The following SERPINB8 variants were observed in gnomAD, a reference collection of about 807,000 sequenced individuals.
SERPINB8 encodes serpin family B member 8, also known as serpin B8.
A neutral mutation model predicts 35.3 loss-of-function variants in SERPINB8; 25 were observed. The observed-to-expected ratio is 0.71, with a 90% CI of 0.52 to 0.99. The LOEUF (loss-of-function observed/expected upper bound fraction) is 0.99. Ranked by LOEUF, SERPINB8 falls within the 50% of genes least tolerant of loss-of-function variation. The pLI is 0.00. For missense variants in SERPINB8, 484 were observed against 446.5 expected (o/e 1.08, Z -0.76); for synonymous variants, 186 against 160.8 (o/e 1.16, Z -1.19).
At chr18:64,018,917 G>A (rs1425948514) in exon 8 of SERPINB8, 1 of 152,038 alleles carries the variant, frequency 6.6e-6, no homozygotes, top group Non-Finnish European at 1.5e-5. Flanking sequence ...TAGTTCTAAG[G>A]ATTCTAACCT....
At position 63,988,054 on chromosome 18, in the gene SERPINB8, A is replaced by G. The variant is rs2050789120; in HGVS notation, c.*776A>G. On this transcript the variant is annotated 3_prime_UTR_variant, in exon 7 of 7. Coordinates refer to ENST00000397985, the MANE Select transcript of SERPINB8 (RefSeq NM_002640.4). ...TAGTTAAGAAAGAACCTCCATATAC[A>G]TTAATTTTTTTCTGCCTAAAAATAA... The G allele has an allele frequency of 6.6e-6, 1 of 152,202 alleles. No homozygotes were observed. Among genetic ancestry groups the G allele is most frequent in the Admixed American group, 6.5e-5 (1 of 15,286 alleles). 9.4% of individuals were successfully genotyped at this position (152,202 alleles called of 1,614,324 possible).
At position 63,970,127 on chromosome 18, in the gene SERPINB8, A is replaced by AGCAGCG; in HGVS notation, c.-51_-46dup. On this transcript the variant is annotated 5_prime_UTR_variant, in exon 1 of 7. Coordinates refer to ENST00000397985, the MANE Select transcript of SERPINB8 (RefSeq NM_002640.4). ...TCTACAAAGGAGGAATAGTCAAAGCAGCAGCGGCGGCGGCGGCGGCGGCAG... is the reference window on the plus strand; with the variant it reads ...TCTACAAAGGAGGAATAGTCAAAGCAGCAGCGGCAGCGGCGGCGGCGGCGGCGGCAG... 2 of 319,922 alleles carry AGCAGCG rather than the reference A, an allele frequency of 6.3e-6. No homozygotes were observed. Among genetic ancestry groups the AGCAGCG allele is most frequent in the Admixed American group, 4.2e-5 (1 of 23,994 alleles). The allele number at this position is 319,922 out of a possible 1,614,324, so 19.8% of individuals were successfully genotyped here.
downstream of SERPINB8, among the ~76,000 whole-genome samples, chr18:63,992,822 G>C (rs1004421152): frequency 4.6e-5 from 7 of 152,080 alleles, no homozygotes; most frequent in African/African-American, 1.7e-4. Flanking sequence ...TATTTATTAG[G>C]TAAAAGAGAT....
chr18:63,986,796 G>A, intron 6 of SERPINB8, 78 bp from the exon 7 acceptor site: 28 of 1,421,608 alleles, frequency 2.0e-5, no homozygotes, highest in Non-Finnish European at 2.6e-5. Context: ...ATGTCATTGG[G>A]GGAGGGGTAA....
At chr18:64,008,962 T>C (rs1391738142), downstream of SERPINB8, among the ~76,000 whole-genome samples, 2 of 152,152 alleles carry the variant, frequency 1.3e-5, no homozygotes, top group Non-Finnish European at 2.9e-5. Context: ...TTAATCAGTA[T>C]ATAAAGAGGT....
chr18:63,973,718 T>C (rs1411196934), intron 1 of SERPINB8, among the ~76,000 whole-genome samples: 2 of 152,194 alleles, frequency 1.3e-5, no homozygotes, highest in East Asian at 3.9e-4. Flanking sequence ...ATGCCAGTTT[T>C]CCCAGCACCA....
At chr18:63,990,663 T>TGGC (rs2050820503), downstream of SERPINB8, among the ~76,000 whole-genome samples, 2 of 144,246 alleles carry the variant, frequency 1.4e-5, no homozygotes, top group Non-Finnish European at 3.0e-5. Context: ...CTATCCCTCA[T>TGGC]CCCTCCCCCC....
At chr18:64,012,139 C>T (rs913479470) in intron 7 of SERPINB8, among the ~76,000 whole-genome samples, 32 of 151,892 alleles carry the variant, frequency 2.1e-4, no homozygotes, top group Non-Finnish European at 4.4e-5. Flanking sequence ...TATATATGAT[C>T]AAGACTAATA....
chr18:63,996,323 C>A (rs1251187284), intron 1 of SERPINB8, among the ~76,000 whole-genome samples: 1 of 152,190 alleles, frequency 6.6e-6, no homozygotes, highest in East Asian at 1.9e-4. Flanking sequence ...GATCCTCTGT[C>A]TATTACAGGT....
At position 63,988,023 on chromosome 18, in the gene SERPINB8, A is replaced by G. The variant is rs191554239; in HGVS notation, c.*745A>G. ...ATGTGCTCAGACACAGCTCAAGCACACCCCTTAGTTAAGAAAGAACCTCCA... is the reference window on the plus strand; with the variant it reads ...ATGTGCTCAGACACAGCTCAAGCACGCCCCTTAGTTAAGAAAGAACCTCCA... On this transcript the variant is annotated 3_prime_UTR_variant, in exon 7 of 7. Coordinates refer to ENST00000397985, the MANE Select transcript of SERPINB8 (RefSeq NM_002640.4). The G allele has an allele frequency of 6.6e-6, 1 of 152,284 alleles. No individual in the cohort carries two copies. The highest frequency in any genetic ancestry group is 6.5e-5 in the Admixed American group (1 of 15,288). 9.4% of individuals were successfully genotyped at this position (152,284 alleles called of 1,614,324 possible).
chr18:64,007,500 A>G (rs1473854636), downstream of SERPINB8, among the ~76,000 whole-genome samples: 2 of 152,212 alleles, frequency 1.3e-5, no homozygotes, highest in African/African-American at 4.8e-5. Context: ...TAACTTTGAT[A>G]CCTGTATTAG....
chr18:63,998,339 A>C (rs974155965), intron 1 of SERPINB8, among the ~76,000 whole-genome samples: 1 of 152,198 alleles, frequency 6.6e-6, no homozygotes, highest in African/African-American at 2.4e-5. Flanking sequence ...AATACATTGT[A>C]TCTAATAATG....
intron 7 of SERPINB8, among the ~76,000 whole-genome samples, chr18:64,018,047 A>C (rs889464530): frequency 2.6e-5 from 4 of 152,246 alleles, no homozygotes; most frequent in African/African-American, 9.6e-5. Context: ...TTCCAATATG[A>C]TACCACTTGG....
chr18:64,013,182 TCC>T (rs879821921), intron 7 of SERPINB8, among the ~76,000 whole-genome samples: 1 of 151,882 alleles, frequency 6.6e-6, no homozygotes, highest in Admixed American at 6.6e-5. Context: ...GTCTCTTTCT[TCC>T]CCCCGCTCCA....
chr18:64,017,189 C>T (rs2050954697), intron 7 of SERPINB8, among the ~76,000 whole-genome samples: 1 of 152,162 alleles, frequency 6.6e-6, no homozygotes, highest in South Asian at 2.1e-4. Context: ...GACGTGAGGA[C>T]ATTTGAGCAG....
At chr18:63,983,991 T>C (rs1480515683) in intron 5 of SERPINB8, among the ~76,000 whole-genome samples, 1 of 152,110 alleles carries the variant, frequency 6.6e-6, no homozygotes, top group African/African-American at 2.4e-5. Context: ...TGACTACAGG[T>C]GCACACCACC....
chr18:63,986,488 G>C (rs2050756391), intron 6 of SERPINB8: 5 of 1,356,648 alleles, frequency 3.7e-6, no homozygotes, highest in Admixed American at 3.5e-5. Context: ...TCTGAGCCAT[G>C]CTCTTTGTCT....
intron 1 of SERPINB8, among the ~76,000 whole-genome samples, chr18:64,004,062 T>A (rs2144844104): frequency 6.6e-6 from 1 of 152,226 alleles, no homozygotes; most frequent in East Asian, 1.9e-4. Flanking sequence ...GCTTTCCTAG[T>A]GGGTATTGAT....
At position 63,988,754 on chromosome 18, in the gene SERPINB8, A is replaced by G. The variant is rs2050798598; in HGVS notation, c.*1476A>G. 6.6e-6 allele frequency: 1 copy of G among 151,392 alleles called. No individual in the cohort carries two copies. The highest frequency in any genetic ancestry group is 1.9e-4 in the East Asian group (1 of 5,204). 9.4% of individuals were successfully genotyped at this position (151,392 alleles called of 1,614,324 possible). ...TTGACCAAGCCAGGATATATCTGTT[A>G]GGCCACATTCATTTAGGGATCATGT... is the stretch of plus-strand genomic sequence containing the variant. On this transcript the variant is annotated 3_prime_UTR_variant, in exon 7 of 7. Coordinates refer to ENST00000397985, the MANE Select transcript of SERPINB8 (RefSeq NM_002640.4).
Sources: gnomAD v4.1 joint callset for allele counts (sites outside exome capture counted in the v4.1 genomes callset) on GRCh38, gnomAD v4.1.1 for gene constraint, MANE v1.5 for transcripts, NCBI Gene and HGNC (gene_info 2026-07-23, HGNC 2026-07-21) for gene names.